Variants in ENTREP2 observed in about 807,000 individuals in gnomAD.
The protein encoded by ENTREP2 is endosomal transmembrane epsin interactor 2.
the ENTREP2 span, among the ~76,000 whole-genome samples, chr15:29,134,988 T>C: frequency 6.6e-6 from 1 of 151,868 alleles, no homozygotes; most frequent in East Asian, 1.9e-4. Flanking sequence ...GAGATAACCA[T>C]CCGGGGCTCC....
At chr15:29,223,694 T>G in the ENTREP2 span, among the ~76,000 whole-genome samples, 3 of 151,878 alleles carry the variant, frequency 2.0e-5, no homozygotes, top group Non-Finnish European at 4.4e-5. Flanking sequence ...ACTCCTGTAG[T>G]GGCGCTCCTG....
At chr15:29,273,111 G>A in the ENTREP2 span, among the ~76,000 whole-genome samples, 2 of 152,142 alleles carry the variant, frequency 1.3e-5, no homozygotes, top group African/African-American at 4.8e-5. Context: ...GGCCAAGAGG[G>A]GGTCTGTTCA....
chr15:29,331,685 A>T, the ENTREP2 span, among the ~76,000 whole-genome samples: 1 of 152,208 alleles, frequency 6.6e-6, no homozygotes, highest in African/African-American at 2.4e-5. Context: ...CCAAAAATGC[A>T]AGCTGAGCGG....
chr15:29,184,855 C>A, the ENTREP2 span, among the ~76,000 whole-genome samples: 1 of 152,028 alleles, frequency 6.6e-6, no homozygotes, highest in African/African-American at 2.4e-5. Context: ...ATTTTTAAAG[C>A]ATTTGGTTAT....
the ENTREP2 span, among the ~76,000 whole-genome samples, chr15:29,632,909 G>A: frequency 1.3e-5 from 2 of 152,186 alleles, no homozygotes; most frequent in African/African-American, 4.8e-5. Flanking sequence ...GGGTACAGGT[G>A]ATTTTGGACG....
chr15:29,149,520 A>C, the ENTREP2 span, among the ~76,000 whole-genome samples: 6 of 152,194 alleles, frequency 3.9e-5, no homozygotes, highest in Non-Finnish European at 8.8e-5. Context: ...GCCTCGGCCC[A>C]CATGGCAAGA....
At chr15:29,465,153 G>T in the ENTREP2 span, among the ~76,000 whole-genome samples, 238 of 151,960 alleles carry the variant, frequency 1.6e-3, 1 homozygote, top group African/African-American at 5.4e-3. Flanking sequence ...CTCAGCACTG[G>T]TGCCATGTCC....
chr15:29,379,213 A>C, the ENTREP2 span, among the ~76,000 whole-genome samples: 7 of 152,216 alleles, frequency 4.6e-5, no homozygotes, highest in Non-Finnish European at 8.8e-5. Context: ...GTTTCAGGCC[A>C]AGAAAATTAA....
the ENTREP2 span, among the ~76,000 whole-genome samples, chr15:29,162,001 G>T: frequency 1.3e-5 from 2 of 152,158 alleles, no homozygotes; most frequent in African/African-American, 4.8e-5. Context: ...CCAAACTGCG[G>T]AAGTGGGAAA....
At chr15:29,366,866 T>A in the ENTREP2 span, among the ~76,000 whole-genome samples, 1 of 152,202 alleles carries the variant, frequency 6.6e-6, no homozygotes, top group African/African-American at 2.4e-5. Context: ...AATAAGACCC[T>A]TGAACAACAA....
At chr15:29,233,623 G>A in the ENTREP2 span, 2 of 726,248 alleles carry the variant, frequency 2.8e-6, no homozygotes, top group Non-Finnish European at 4.8e-6. Context: ...TGCTATGAAA[G>A]GTGTGCGAGA....
At chr15:29,515,916 G>C in the ENTREP2 span, among the ~76,000 whole-genome samples, 6 of 152,170 alleles carry the variant, frequency 3.9e-5, no homozygotes, top group Non-Finnish European at 5.9e-5. Flanking sequence ...AGCCACTTGT[G>C]ACCATTAAGC....
the ENTREP2 span, among the ~76,000 whole-genome samples, chr15:29,323,106 T>G: frequency 6.6e-6 from 1 of 152,206 alleles, no homozygotes; most frequent in Non-Finnish European, 1.5e-5. Context: ...TGACCTCTTT[T>G]TTTGGCAAAC....
the ENTREP2 span, among the ~76,000 whole-genome samples, chr15:29,270,878 C>T: frequency 2.0e-5 from 3 of 152,114 alleles, no homozygotes; most frequent in African/African-American, 7.2e-5. Context: ...TTAAAGCTAC[C>T]CAGAAAGTGG....
At chr15:29,259,162 C>T in the ENTREP2 span, among the ~76,000 whole-genome samples, 6 of 152,122 alleles carry the variant, frequency 3.9e-5, no homozygotes, top group Non-Finnish European at 5.9e-5. Flanking sequence ...TTAGTGATCA[C>T]ACACAATGAG....
chr15:29,478,011 A>ATTTTT, the ENTREP2 span, among the ~76,000 whole-genome samples: 23 of 70,354 alleles, frequency 3.3e-4, 3 homozygotes, highest in African/African-American at 1.2e-3. Context: ...ATATATATAT[A>ATTTTT]TATATATATT....
the ENTREP2 span, among the ~76,000 whole-genome samples, chr15:29,649,727 C>CAAAAAAAAAAAAAAAAAAAGAAAAAAAAA: frequency 1.5e-5 from 1 of 66,956 alleles, no homozygotes; most frequent in Non-Finnish European, 3.2e-5. Context: ...TCAACAACAA[C>CAAAAAAAAAAAAAAAAAAAGAAAAAAAAA]AAAAAAAAAA....
the ENTREP2 span, among the ~76,000 whole-genome samples, chr15:29,415,677 C>G: frequency 6.6e-6 from 1 of 152,040 alleles, no homozygotes; most frequent in Non-Finnish European, 1.5e-5. Context: ...AGGAGATAAA[C>G]GGCATTCAAT....
chr15:29,619,131 G>A, the ENTREP2 span, among the ~76,000 whole-genome samples: 8 of 152,200 alleles, frequency 5.3e-5, no homozygotes, highest in African/African-American at 9.6e-5. Flanking sequence ...GGTGGCTCAC[G>A]CCTGTAATCC....
Sources: allele counts gnomAD v4.1 joint callset (sites outside exome capture counted in the v4.1 genomes callset), GRCh38; gene constraint gnomAD v4.1.1; transcripts MANE v1.5; gene names NCBI Gene and HGNC (gene_info 2026-07-23, HGNC 2026-07-21).